The following EYA3 variants were observed in gnomAD, a reference collection of about 807,000 sequenced individuals.
The protein encoded by EYA3 is protein phosphatase EYA3.
In EYA3, 39 loss-of-function variants were observed where a neutral mutation model predicts 80.0. The observed-to-expected ratio is 0.49, with a 90% CI of 0.38 to 0.64. The LOEUF (loss-of-function observed/expected upper bound fraction) is 0.64, where lower values mean the gene tolerates loss of function less well. EYA3 is among the 30% of genes least tolerant of loss of function. The pLI, the probability that EYA3 is intolerant of heterozygous loss-of-function variation, is 0.00. For missense variants in EYA3, 523 were observed against 676.1 expected (o/e 0.77, Z 2.51); for synonymous variants, 206 against 232.8 (o/e 0.88, Z 1.05).
At chr1:28,045,150 AT>A in intron 3 of EYA3, among the ~76,000 whole-genome samples, 1 of 152,250 alleles carries the variant, frequency 6.6e-6, no homozygotes, top group Middle Eastern at 3.4e-3. Flanking sequence ...AGTAAGGTTC[AT>A]TTTTATCTTG....
rs545905068 is a variant in EYA3, at chr1:28,069,563, A to G, written c.-68-11469T>C. Reference sequence around the variant, plus strand: ...CCAATCTATTTAAAAAAAAAAAAAAAAGAGAGAGAAGAAGAAGAAAAAAAA... The same window carrying G: ...CCAATCTATTTAAAAAAAAAAAAAAGAGAGAGAGAAGAAGAAGAAAAAAAA... On this transcript the variant is annotated intron_variant, in intron 1 of 17. Coordinates refer to ENST00000373871, the MANE Select transcript of EYA3 (RefSeq NM_001990.4). 1.7e-3 allele frequency among the ~76,000 whole-genome samples: 251 copies of G among 150,414 alleles called. 2 individuals carry two copies. The highest frequency in any genetic ancestry group is 3.4e-3 in the Middle Eastern group (1 of 292).
intron 1 of EYA3, among the ~76,000 whole-genome samples, chr1:28,076,360 T>C (rs896619397): frequency 3.3e-5 from 5 of 152,172 alleles, no homozygotes; most frequent in Non-Finnish European, 7.3e-5. Flanking sequence ...TTTTAAAATA[T>C]ATACATATAT....
chr1:28,062,657 G>GGGGTGTGT (rs111612303), intron 1 of EYA3, among the ~76,000 whole-genome samples: 3 of 141,528 alleles, frequency 2.1e-5, no homozygotes, highest in Admixed American at 7.1e-5. Context: ...AATATATGTA[G>GGGGTGTGT]GTGTGTGTGT....
chr1:27,977,158 A>G, intron 17 of EYA3: 1 of 1,431,608 alleles, frequency 7.0e-7, no homozygotes, highest in East Asian at 2.6e-5. Context: ...TTTCCCAAAG[A>G]GGGCAACAAG....
intron 1 of EYA3, among the ~76,000 whole-genome samples, chr1:28,077,487 G>T (rs150840020): frequency 1.3e-5 from 2 of 152,062 alleles, no homozygotes; most frequent in South Asian, 2.1e-4. Context: ...GAAGGAGGAG[G>T]TTAACCTGAA....
At chr1:28,055,254 TTATACTC>T (rs1267393003) in intron 2 of EYA3, among the ~76,000 whole-genome samples, 3 of 152,144 alleles carry the variant, frequency 2.0e-5, no homozygotes, top group Non-Finnish European at 2.9e-5. Context: ...CTGCTGTTCT[TTATACTC>T]TATTCTCCAA....
intron 10 of EYA3, among the ~76,000 whole-genome samples, chr1:28,010,181 C>T (rs1319285148): frequency 1.3e-5 from 2 of 151,998 alleles, no homozygotes; most frequent in African/African-American, 4.8e-5. Flanking sequence ...AAACGGAAAA[C>T]AGAAAACAAA....
intron 16 of EYA3, among the ~76,000 whole-genome samples, chr1:27,987,832 G>A (rs536930264): frequency 2.6e-5 from 4 of 152,060 alleles, no homozygotes; most frequent in South Asian, 2.1e-4. Context: ...GACTACAGGC[G>A]CCTGCCATCA....
chr1:27,994,470 G>T (rs912299589), intron 13 of EYA3, among the ~76,000 whole-genome samples: 1 of 151,978 alleles, frequency 6.6e-6, no homozygotes, highest in Non-Finnish European at 1.5e-5. Flanking sequence ...AGGCCGAGGC[G>T]GGTGGATCTC....
intron 12 of EYA3, among the ~76,000 whole-genome samples, chr1:27,999,015 C>T (rs964900534): frequency 5.3e-5 from 8 of 152,246 alleles, no homozygotes; most frequent in Non-Finnish European, 1.2e-4. Flanking sequence ...GTGATCTGCC[C>T]GCCTCGGCCT....
chr1:28,048,355 C>A, intron 3 of EYA3, 28 bp downstream of exon 3: 3 of 1,551,222 alleles, frequency 1.9e-6, no homozygotes, highest in Non-Finnish European at 2.6e-6. Flanking sequence ...ATGAGTAGTT[C>A]ATTAAAAAGA....
At chr1:28,010,683 T>C in intron 10 of EYA3, 1 of 349,756 alleles carries the variant, frequency 2.9e-6, no homozygotes, top group Non-Finnish European at 5.2e-6. Flanking sequence ...TTTAAAATTT[T>C]AAATAGAGAA....
At chr1:28,060,217 A>C (rs1644572241) in intron 1 of EYA3, among the ~76,000 whole-genome samples, 1 of 152,334 alleles carries the variant, frequency 6.6e-6, no homozygotes, top group East Asian at 1.9e-4. Flanking sequence ...TTGTTAAAAA[A>C]TATTTATGTG....
intron 1 of EYA3, among the ~76,000 whole-genome samples, chr1:28,078,536 T>C (rs1463791368): frequency 6.6e-6 from 1 of 151,474 alleles, no homozygotes; most frequent in Non-Finnish European, 1.5e-5. Context: ...ATATATTAAC[T>C]ATTTCTTTTT....
chr1:28,067,078 A>G lies in EYA3; in HGVS notation c.-68-8984T>C, dbSNP rs144691171. On this transcript the variant is annotated intron_variant, in intron 1 of 17. Coordinates refer to ENST00000373871, the MANE Select transcript of EYA3 (RefSeq NM_001990.4). ...GATAAAGACATATTCAGTCAGGCAC[A>G]GCTGTAAAATCATATGTGTCTTCAG... is the stretch of plus-strand genomic sequence containing the variant. Among the ~76,000 whole-genome samples the G allele has an allele frequency of 2.9e-3, 442 of 152,378 alleles. 1 individual carries two copies. The highest frequency in any genetic ancestry group is 5.0e-3 in the Admixed American group (77 of 15,304).
chr1:28,056,276 C>T (rs1210912959), intron 2 of EYA3, among the ~76,000 whole-genome samples: 1 of 152,144 alleles, frequency 6.6e-6, no homozygotes, highest in Non-Finnish European at 1.5e-5. Flanking sequence ...GGATAGTCCA[C>T]AGGCCACAAA....
intron 10 of EYA3, among the ~76,000 whole-genome samples, chr1:28,008,083 A>G (rs1641423778): frequency 6.6e-6 from 1 of 152,144 alleles, no homozygotes; most frequent in African/African-American, 2.4e-5. Context: ...TACAAATATG[A>G]TCAATTTTTC....
chr1:27,997,173 T>C (rs1040613203), intron 13 of EYA3, 147 bp downstream of exon 13: 7 of 718,454 alleles, frequency 9.7e-6, no homozygotes, highest in Admixed American at 2.4e-5. Flanking sequence ...TACATCACGG[T>C]TAACTATGTT....
chr1:28,065,087 C>CTGTG (rs1255169561), intron 1 of EYA3, among the ~76,000 whole-genome samples: 1 of 152,212 alleles, frequency 6.6e-6, no homozygotes, highest in Non-Finnish European at 1.5e-5. Flanking sequence ...GACCCCTGAA[C>CTGTG]CCACAGATGG....
Sources: allele counts gnomAD v4.1 joint callset (sites outside exome capture counted in the v4.1 genomes callset), GRCh38; gene constraint gnomAD v4.1.1; transcripts MANE v1.5; gene names NCBI Gene and HGNC (gene_info 2026-07-23, HGNC 2026-07-21).